Variants in SYN3 observed in about 807,000 individuals in gnomAD.
The protein encoded by SYN3 is synapsin-3.
SYN3 carries 35 observed loss-of-function variants against 65.8 expected under a neutral mutation model. The observed-to-expected ratio is 0.53, with a 90% CI of 0.41 to 0.70. SYN3 has a LOEUF of 0.70. SYN3 is among the 30% of genes least tolerant of loss of function. SYN3 has a pLI of 0.00. For missense variants in SYN3, 680 were observed against 749.0 expected (o/e 0.91, Z 1.08); for synonymous variants, 270 against 292.9 (o/e 0.92, Z 0.80).
intron 4 of SYN3, among the ~76,000 whole-genome samples, chr22:32,871,711 G>A (rs1004343789): frequency 2.6e-5 from 4 of 152,014 alleles, no homozygotes; most frequent in African/African-American, 4.8e-5. Flanking sequence ...GGGCTCAAGC[G>A]ATCCTCCCAC....
At chr22:32,851,703 C>A (rs1380080770) in intron 6 of SYN3, among the ~76,000 whole-genome samples, 1 of 152,308 alleles carries the variant, frequency 6.6e-6, no homozygotes, top group East Asian at 1.9e-4. Context: ...GCTGAGGCAT[C>A]GGAATTTCTT....
At chr22:32,594,504 T>C (rs1262490087) in intron 7 of SYN3, among the ~76,000 whole-genome samples, 1 of 151,860 alleles carries the variant, frequency 6.6e-6, no homozygotes, top group East Asian at 1.9e-4. Context: ...TTTTTTTTTT[T>C]TGGACTGAAT....
intron 6 of SYN3, among the ~76,000 whole-genome samples, chr22:32,664,681 C>G (rs1330370409): frequency 1.3e-5 from 2 of 149,698 alleles, no homozygotes; most frequent in Non-Finnish European, 3.0e-5. Context: ...AGCTCCGCCT[C>G]CTGGGTTCAT....
At position 32,648,938 on chromosome 22, in the gene SYN3, A is replaced by G. The variant is rs138605105; in HGVS notation, c.712-52202T>C. ...CAGGGAGTTTGGATGGGCACAAAGTAAAACAAAGAGGCCCCTGGATGTGAA... is the reference window on the plus strand; with the variant it reads ...CAGGGAGTTTGGATGGGCACAAAGTGAAACAAAGAGGCCCCTGGATGTGAA... On this transcript the variant is annotated intron_variant, in intron 6 of 13. Transcript: ENST00000358763. 2.7e-3 allele frequency among the ~76,000 whole-genome samples: 418 copies of G among 152,340 alleles called. 2 individuals are homozygous for G. The highest frequency in any genetic ancestry group is 9.3e-3 in the African/African-American group (388 of 41,574).
chr22:32,972,395 A>T (rs1415556883), intron 3 of SYN3, among the ~76,000 whole-genome samples: 1 of 152,196 alleles, frequency 6.6e-6, no homozygotes, highest in East Asian at 1.9e-4. Flanking sequence ...TGGAGTATGG[A>T]TAAGGAGAAA....
intron 2 of SYN3, among the ~76,000 whole-genome samples, chr22:32,988,122 C>T (rs7364251): frequency 0.058 from 8,749 of 151,818 alleles, 814 homozygotes; most frequent in African/African-American, 0.2. Flanking sequence ...TCCTGGCCAA[C>T]ATGGTGAAAC....
chr22:32,746,814 G>C (rs1180594895), intron 6 of SYN3, among the ~76,000 whole-genome samples: 1 of 152,180 alleles, frequency 6.6e-6, no homozygotes, highest in Non-Finnish European at 1.5e-5. Flanking sequence ...TTGTGGACTT[G>C]AATGGGACTG....
In SYN3 at chr22:32,528,994, T is replaced by C; in HGVS notation, c.1110A>G (p.Ser370=). The C allele has an allele frequency of 6.2e-7, 1 of 1,613,898 alleles. No homozygotes were observed. The highest frequency in any genetic ancestry group is 1.1e-5 in the South Asian group (1 of 91,076). ...CCACATGCTCTCCAATCAGCGGCATTGAGCTGTCCATTACCTGTGGGGAGG... is the reference window on the plus strand; with the variant it reads ...CCACATGCTCTCCAATCAGCGGCATCGAGCTGTCCATTACCTGTGGGGAGG... ...RDYIIEVMDS[S]MPLIGEHVEE... Residue 370 remains serine (S), a synonymous_variant, in exon 11 of 14, where the codon TCA becomes TCG. Transcript: ENST00000358763.
intron 6 of SYN3, among the ~76,000 whole-genome samples, chr22:32,688,508 T>C (rs1290935043): frequency 6.6e-6 from 1 of 152,160 alleles, no homozygotes; most frequent in Non-Finnish European, 1.5e-5. Context: ...TGATCCTCTC[T>C]GTCTGCTGCT....
intron 7 of SYN3, among the ~76,000 whole-genome samples, chr22:32,588,627 T>C (rs182993601): frequency 2.0e-5 from 3 of 152,218 alleles, no homozygotes; most frequent in African/African-American, 7.2e-5. Flanking sequence ...GGGAGATTAT[T>C]GTCCCTGTGT....
chr22:32,611,045 T>C (rs982408171), intron 6 of SYN3, among the ~76,000 whole-genome samples: 7 of 152,206 alleles, frequency 4.6e-5, no homozygotes, highest in Admixed American at 2.0e-4. Context: ...GACAAATGAA[T>C]GTCTAGGAAA....
chr22:32,853,874 TAAGTAACTTTCC>T (rs1210338543), intron 6 of SYN3, among the ~76,000 whole-genome samples: 1 of 152,224 alleles, frequency 6.6e-6, no homozygotes, highest in Non-Finnish European at 1.5e-5. Flanking sequence ...CCAAAGAGGT[TAAGTAACTTTCC>T]AAGTGGCGAA....
At chr22:32,901,688 C>T (rs1447369772) in intron 4 of SYN3, among the ~76,000 whole-genome samples, 4 of 152,250 alleles carry the variant, frequency 2.6e-5, no homozygotes. Context: ...CCTCCGAAGT[C>T]GGTTCCCATT....
chr22:32,824,420 C>T (rs1043175678), intron 6 of SYN3, among the ~76,000 whole-genome samples: 6 of 151,556 alleles, frequency 4.0e-5, no homozygotes, highest in Admixed American at 3.9e-4. Flanking sequence ...GGGAGTGAGA[C>T]AATCTCAGGA....
chr22:32,538,393 C>G lies in SYN3; in HGVS notation c.918-283G>C, dbSNP rs1366071804. 2.7e-5 allele frequency among the ~76,000 whole-genome samples: 3 copies of G among 109,578 alleles called. No individual in the cohort carries two copies. The East Asian group carries it at 1.2e-3, about 46-fold the overall frequency. 71.9% of individuals were successfully genotyped at this position (109,578 alleles called of 152,430 possible). On this transcript the variant is annotated intron_variant, in intron 8 of 13. Transcript: ENST00000358763. ...ATGCCTACATCATCTGATGAAATCC[C>G]CCAAACTTTGGCCTGTTTTTGAGGA...
intron 3 of SYN3, among the ~76,000 whole-genome samples, chr22:32,949,690 T>A (rs887137625): frequency 2.6e-5 from 4 of 152,152 alleles, no homozygotes; most frequent in Non-Finnish European, 5.9e-5. Flanking sequence ...AAGCACGGGG[T>A]ATTCATGTCT....
Position 32,533,798 on chromosome 22 carries a change from T to C in SYN3, c.1090A>G (p.Ile364Val). The change falls in exon 10 of 14, where the codon ATC becomes GTC. Residue 364 changes from isoleucine to valine, a missense_variant. Transcript: ENST00000358763. ...VHSKDGRDYIIEVMDSSMPLI... is the reference protein window; with the variant it reads ...VHSKDGRDYIVEVMDSSMPLI... Reference sequence around the variant, plus strand: ...CTCCCTGCTTCATCCCTCACCTCGATGATGTAATCTCTGCCATCCTTGCTG... The same window carrying C: ...CTCCCTGCTTCATCCCTCACCTCGACGATGTAATCTCTGCCATCCTTGCTG... The C allele has an allele frequency of 6.2e-7, 1 of 1,611,572 alleles. No individual in the cohort carries two copies. The highest frequency in any genetic ancestry group is 1.1e-5 in the South Asian group (1 of 91,034).
rs137494 is a variant in SYN3, at chr22:32,872,587, T to G, written c.462-3462A>C. ...ATCAGGCCAAACCAGGCATGTGTTA[T>G]AGAGTGAATTCTGCCATTCACTGCT... On this transcript the variant is annotated intron_variant, in intron 4 of 13. Transcript: ENST00000358763. Among the ~76,000 whole-genome samples the G allele has an allele frequency of 3.0e-4, 45 of 152,236 alleles. 1 individual carries two copies. The highest frequency in any genetic ancestry group is 1.0e-3 in the African/African-American group (43 of 41,556).
At chr22:32,971,674 C>T (rs2052025260) in intron 3 of SYN3, among the ~76,000 whole-genome samples, 2 of 152,174 alleles carry the variant, frequency 1.3e-5, no homozygotes, top group South Asian at 4.1e-4. Flanking sequence ...CCAGAAGAGT[C>T]TTACGGATGA....
Sources: gnomAD v4.1 joint callset for allele counts (sites outside exome capture counted in the v4.1 genomes callset) on GRCh38, gnomAD v4.1.1 for gene constraint, MANE v1.5 for transcripts, NCBI Gene and HGNC (gene_info 2026-07-23, HGNC 2026-07-21) for gene names.